Variants in DECR2 observed in about 807,000 individuals in gnomAD.
DECR2 encodes peroxisomal 2,4-dienoyl-CoA reductase [(3E)-enoyl-CoA-producing].
A neutral mutation model predicts 29.2 loss-of-function variants in DECR2; 34 were observed. The ratio of observed to expected loss-of-function variants is 1.16; its 90% CI spans 0.89 to 1.55. The LOEUF (loss-of-function observed/expected upper bound fraction) is 1.55, where lower values mean the gene tolerates loss of function less well. Ranked by LOEUF, DECR2 falls within the 40% of genes most tolerant of loss-of-function variation. DECR2 has a pLI of 0.00. For missense variants in DECR2, 485 were observed against 425.3 expected (o/e 1.14, Z -1.23); for synonymous variants, 224 against 182.7 (o/e 1.23, Z -1.82).
intron 3 of DECR2, chr16:407,157 G>C: frequency 7.9e-7 from 1 of 1,269,518 alleles, no homozygotes; most frequent in Non-Finnish European, 1.0e-6. Context: ...GTCTGCAGCA[G>C]GGGCAGGACA....
At position 407,435 on chromosome 16, in the gene DECR2, A is replaced by G. The variant is rs1009189477; in HGVS notation, c.212A>G (p.Lys71Arg). ...SLPRVLTAAR[K>R]LAGATGRRCL... ...TTACCTGGCTTCTAGGCCGCCAGGA[A>G]GCTGGCTGGGGCCACCGGCCGGCGC... Residue 71 changes from lysine (K) to arginine (R), a missense_variant, in exon 4 of 9, where the codon AAG becomes AGG. Lys to Arg is a conservative substitution (Grantham distance 26). Coordinates refer to ENST00000219481, the MANE Select transcript of DECR2 (RefSeq NM_020664.4). 1.9e-6 allele frequency: 3 copies of G among 1,608,466 alleles called. No individual in the cohort carries two copies. Among genetic ancestry groups the G allele is most frequent in the Non-Finnish European group, 2.5e-6 (3 of 1,178,520 alleles).
intron 1 of DECR2, among the ~76,000 whole-genome samples, chr16:403,321 A>G (rs146902058): frequency 6.6e-6 from 1 of 152,188 alleles, no homozygotes; most frequent in Non-Finnish European, 1.5e-5. Context: ...CACCTGGCCC[A>G]AAATTAATCT....
At chr16:403,552 C>T (rs1418611641) in intron 1 of DECR2, among the ~76,000 whole-genome samples, 1 of 152,148 alleles carries the variant, frequency 6.6e-6, no homozygotes, top group Non-Finnish European at 1.5e-5. Context: ...AAATTATAAC[C>T]TCTATCTTGT....
At chr16:405,425 A>G (rs1309706323) in intron 2 of DECR2, 4 of 869,264 alleles carry the variant, frequency 4.6e-6, no homozygotes, top group African/African-American at 1.8e-5. Context: ...ACCCTTCCTC[A>G]GTTCCCCTGA....
intron 2 of DECR2, chr16:405,694 A>G: frequency 9.5e-7 from 1 of 1,055,346 alleles, no homozygotes; most frequent in Non-Finnish European, 1.3e-6. Flanking sequence ...TTGTGGGCAG[A>G]AGCGTAGTCT....
chr16:408,097 C>G (rs1393181802), intron 4 of DECR2, among the ~76,000 whole-genome samples: 136 of 5,532 alleles, frequency 0.025, 59 homozygotes, highest in African/African-American at 0.11. Flanking sequence ...CTGTCTCCAG[C>G]CCCCTGTCTC....
rs2054800528 is a variant in DECR2 at position 410,493 on chromosome 16, A to T, written c.462+126A>T. On this transcript the variant is annotated intron_variant, in intron 5 of 8. Coordinates refer to ENST00000219481, the MANE Select transcript of DECR2 (RefSeq NM_020664.4). This position sits in a 1 kb window ranked among gnomAD's most constrained non-coding sequence, Gnocchi z 4.1. ...AGTTCTTCCGGGTGGGTGTACTCCC[A>T]GCGGGGGCCTCCCCCTGACGGCCGC... The T allele has an allele frequency of 2.4e-5, 32 of 1,324,130 alleles. No homozygotes were observed. The highest frequency in any genetic ancestry group is 1.9e-4 in the East Asian group (6 of 31,766). 82.0% of individuals were successfully genotyped at this position (1,324,130 alleles called of 1,614,324 possible). A position where few individuals can be genotyped will look rare whatever the true frequency, so the allele number is the denominator to read the frequency against.
At position 406,351 on chromosome 16, in the gene DECR2, G is replaced by A. The variant is rs1401470074; in HGVS notation, c.155G>A (p.Gly52Asp). 1 of 1,607,006 alleles carries A rather than the reference G, an allele frequency of 6.2e-7. No homozygotes were observed. The highest frequency in any genetic ancestry group is 1.1e-5 in the South Asian group (1 of 91,068). The change falls in exon 3 of 9, where the codon GGC (glycine) becomes GAC (aspartate). Residue 52 changes from glycine (G) to aspartate (D), a missense_variant. By Grantham distance (94) the Gly-to-Asp change is moderately conservative. Coordinates refer to ENST00000219481, the MANE Select transcript of DECR2 (RefSeq NM_020664.4). ...FRIAEIFMRH[G>D]CHTVIASRSL... is the part of the protein sequence containing the mutation. The stretch of plus-strand genomic sequence containing the variant: ...ACCTGCTTCTGGTTTTGCAGGCACG[G>A]CTGCCATACGGTGATTGCCAGTAGG...
intron 3 of DECR2, 103 bp downstream of exon 3, chr16:406,500 A>C: frequency 6.2e-6 from 8 of 1,295,318 alleles, no homozygotes; most frequent in Non-Finnish European, 8.6e-6. Context: ...GTTGGCACCA[A>C]AACTTTTTTT....
chr16:406,637 A>T, intron 3 of DECR2: 1 of 640,680 alleles, frequency 1.6e-6, no homozygotes. Context: ...AGCTGGGACT[A>T]CAGGTGCCCG....
Position 410,379 on chromosome 16 carries a change from G to A in DECR2, c.462+12G>A, listed in dbSNP as rs371311313. 11 of 1,590,592 alleles carry A rather than the reference G, an allele frequency of 6.9e-6. No individual in the cohort carries two copies. The highest frequency in any genetic ancestry group is 5.1e-5 in the Admixed American group (3 of 59,296). On this transcript the variant is annotated intron_variant, in intron 5 of 8. Transcript: ENST00000219481. This position sits in a 1 kb window ranked among gnomAD's most constrained non-coding sequence, Gnocchi z 4.1. ...AGAAGTTCTTCCGGGTGGGTGCCTC[G>A]TGCGCTCTGTGAGAAGTTCTTCCGG...
In DECR2 at chr16:410,894, G is replaced by A. The variant is rs1220847874; in HGVS notation, c.557-78G>A. Reference sequence around the variant, plus strand: ...CACTTGAAGCTGAGCCCAGCTGCAGGCAGCGAGACCTGGCCTTGGCCCTGC... The same window carrying A: ...CACTTGAAGCTGAGCCCAGCTGCAGACAGCGAGACCTGGCCTTGGCCCTGC... On this transcript the variant is annotated intron_variant, in intron 6 of 8. Coordinates refer to ENST00000219481, the MANE Select transcript of DECR2 (RefSeq NM_020664.4). The surrounding 1 kb of genome is among the most constrained non-coding windows in gnomAD (Gnocchi z 4.1). The A allele has an allele frequency of 1.4e-5, 21 of 1,529,932 alleles. No homozygotes were observed. Among genetic ancestry groups the A allele is most frequent in the Non-Finnish European group, 1.7e-5 (19 of 1,131,834 alleles). The allele number at this position is 1,529,932 out of a possible 1,614,324, so 94.8% of individuals were successfully genotyped here.
In DECR2 at chr16:411,526, C is replaced by A. The variant is rs58779490; in HGVS notation, c.827C>A (p.Pro276Gln). The A allele has an allele frequency of 6.2e-7, 1 of 1,614,066 alleles. No individual in the cohort carries two copies. Among genetic ancestry groups the A allele is most frequent in the Non-Finnish European group, 8.5e-7 (1 of 1,179,996 alleles). ...GATGGCGGGGCATGGTTGACGTTCC[C>A]AAACGGTGTCAAAGGGCTGCCGGAT... The part of the protein sequence containing the change: ...VADGGAWLTF[P>Q]NGVKGLPDFA... Residue 276 changes from proline to glutamine, a missense_variant, in exon 8 of 9, where the codon CCA becomes CAA. By Grantham distance (76) the Pro-to-Gln change is moderately conservative. Transcript: ENST00000219481.
chr16:412,113 G>A lies in DECR2; in HGVS notation c.*224G>A, dbSNP rs568332503. On this transcript the variant is annotated 3_prime_UTR_variant, in exon 9 of 9. Coordinates refer to ENST00000219481, the MANE Select transcript of DECR2 (RefSeq NM_020664.4). ...GGCCAGGTGCCACGCAGGTGTCTGA[G>A]GACCAGGTGCCACGCAGGTGGTGGG... The A allele has an allele frequency of 2.8e-4, 43 of 151,126 alleles. No individual in the cohort carries two copies. Among genetic ancestry groups the A allele is most frequent in the African/African-American group, 7.7e-4 (30 of 38,818 alleles). 9.4% of individuals were successfully genotyped at this position (151,126 alleles called of 1,614,324 possible).
Position 410,572 on chromosome 16 carries a change from CT to C in DECR2, c.463-118del, listed in dbSNP as rs1203407494. 1 of 1,374,926 alleles carries C rather than the reference CT, an allele frequency of 7.3e-7. No individual in the cohort carries two copies. Among genetic ancestry groups the C allele is most frequent in the Non-Finnish European group, 9.9e-7 (1 of 1,009,840 alleles). 85.2% of individuals were successfully genotyped at this position (1,374,926 alleles called of 1,614,324 possible). A position where few individuals can be genotyped will look rare whatever the true frequency, so the allele number is the denominator to read the frequency against. On this transcript the variant is annotated intron_variant, in intron 5 of 8. Coordinates refer to ENST00000219481, the MANE Select transcript of DECR2 (RefSeq NM_020664.4). This position sits in a 1 kb window ranked among gnomAD's most constrained non-coding sequence, Gnocchi z 4.1. The stretch of plus-strand genomic sequence containing the variant: ...CGGCCGCCCGCTCCCTGCCCTGGGC[CT>C]CCCCCTGACGGCCGCCCGCTCCCTG...
At chr16:411,208 C>G (rs1567342481) in intron 7 of DECR2, 132 bp downstream of exon 7, 3 of 1,176,648 alleles carry the variant, frequency 2.5e-6, no homozygotes, top group African/African-American at 3.1e-5. Context: ...CAACTATGTT[C>G]TGTGCCTGGC....
chr16:405,284 G>A (rs1415202223), intron 2 of DECR2: 5 of 592,596 alleles, frequency 8.4e-6, no homozygotes, highest in Non-Finnish European at 1.5e-5. Context: ...AGTCAGGGCT[G>A]TGTCGGGCCC....
Position 411,079 on chromosome 16 carries a change from A to G in DECR2, c.661+3A>G, listed in dbSNP as rs1597207791. 1 of 1,520,796 alleles carries G rather than the reference A, an allele frequency of 6.6e-7. No individual in the cohort carries two copies. Among genetic ancestry groups the G allele is most frequent in the East Asian group, 2.4e-5 (1 of 42,286 alleles). The allele number at this position is 1,520,796 out of a possible 1,614,324, so 94.2% of individuals were successfully genotyped here. ...CACAGAGGGGCTCCGGCGACTGGGT[A>G]AGGCTCTCAGGGAGCCCAGGCCTCC... On this transcript the variant is annotated splice_donor_region_variant and intron_variant, in intron 7 of 8. Coordinates refer to ENST00000219481, the MANE Select transcript of DECR2 (RefSeq NM_020664.4).
At chr16:409,579 T>C (rs2054785489) in intron 4 of DECR2, 1 of 152,220 alleles carries the variant, frequency 6.6e-6, no homozygotes, top group Non-Finnish European at 1.5e-5. Flanking sequence ...TTTGTTACAA[T>C]TGATGAACCA....
Sources: gnomAD v4.1 joint callset for allele counts (sites outside exome capture counted in the v4.1 genomes callset) on GRCh38, gnomAD v4.1.1 for gene constraint, Gnocchi (gnomAD v3.1) non-coding constraint, MANE v1.5 for transcripts, NCBI Gene and HGNC (gene_info 2026-07-23, HGNC 2026-07-21) for gene names.